ZNF423: variants seen among roughly 807,000 people sequenced by gnomAD.
The protein encoded by ZNF423 is zinc finger protein 423.
In ZNF423, 12 loss-of-function variants were observed where a neutral mutation model predicts 95.8. The observed-to-expected ratio is 0.13, with a 90% CI of 0.08 to 0.20. The LOEUF is 0.20. Ranked by LOEUF, ZNF423 falls within the 10% of genes least tolerant of loss-of-function variation. The pLI, the probability that ZNF423 is intolerant of heterozygous loss-of-function variation, is 1.00. For synonymous variants in ZNF423, 749 were observed against 711.9 expected (o/e 1.05, Z -0.83); for missense variants, 1,316 against 1,737.1 (o/e 0.76, Z 4.31).
intron 7 of ZNF423, among the ~76,000 whole-genome samples, chr16:49,505,258 C>G (rs949316369): frequency 1.1e-4 from 16 of 152,198 alleles, no homozygotes; most frequent in Non-Finnish European, 1.9e-4. Flanking sequence ...CTAGGTCACA[C>G]GGTCACTAAT....
chr16:49,690,956 A>G (rs1179165655), intron 3 of ZNF423, among the ~76,000 whole-genome samples: 1 of 152,116 alleles, frequency 6.6e-6, no homozygotes, highest in African/African-American at 2.4e-5. Context: ...AGGCCTGGGG[A>G]GCGTGTGGAG....
intron 5 of ZNF423, among the ~76,000 whole-genome samples, chr16:49,550,519 G>A (rs1167631388): frequency 6.6e-6 from 1 of 152,236 alleles, no homozygotes; most frequent in African/African-American, 2.4e-5. Context: ...CTTGGCCAAG[G>A]CCACACAAGT....
chr16:49,727,851 G>A (rs776253190), intron 3 of ZNF423, among the ~76,000 whole-genome samples: 20 of 152,210 alleles, frequency 1.3e-4, no homozygotes, highest in Non-Finnish European at 2.5e-4. Flanking sequence ...TCTCGGACAC[G>A]GTCTCTATTG....
rs114776108 is a variant in ZNF423, at chr16:49,668,918, G to A, written c.302-30044C>T. On this transcript the variant is annotated intron_variant, in intron 3 of 7. Coordinates refer to ENST00000563137, the MANE Select transcript of ZNF423 (RefSeq NM_001379286.1). ...TAAAATGAAGATGGTGACAGTGCAT[G>A]TCTCCTTCCTTACTTGAGGACTGAA... is the stretch of plus-strand genomic sequence containing the variant. Among the ~76,000 whole-genome samples, 1,370 of 152,292 alleles carry A rather than the reference G, an allele frequency of 9.0e-3. 22 individuals carry two copies. Among genetic ancestry groups the A allele is most frequent in the African/African-American group, 0.031 (1,298 of 41,546 alleles).
At position 49,527,930 on chromosome 16, in the gene ZNF423, G is replaced by GCA. The variant is rs141537609; in HGVS notation, c.3602-2438_3602-2437dup. 7.3e-5 allele frequency among the ~76,000 whole-genome samples: 11 copies of GCA among 151,508 alleles called. No individual in the cohort carries two copies. The East Asian group carries it at 9.7e-4, about 13-fold the overall frequency. The stretch of plus-strand genomic sequence containing the variant: ...TTCATGAGCACACACACGTGTGCAT[G>GCA]CACACACACACACACGACTACTCCC... On this transcript the variant is annotated intron_variant, in intron 5 of 7. Transcript: ENST00000563137.
chr16:49,842,406 AAGGAAGGCAGGCAGGC>A (rs1289306794), intron 1 of ZNF423, among the ~76,000 whole-genome samples: 13 of 88,402 alleles, frequency 1.5e-4, no homozygotes, highest in African/African-American at 3.6e-4. Flanking sequence ...GGAAGGAAGG[AAGGAAGGCAGGCAGGC>A]AGGCAGGCAG....
chr16:49,507,189 T>A (rs1002818653), intron 7 of ZNF423, among the ~76,000 whole-genome samples: 1 of 152,186 alleles, frequency 6.6e-6, no homozygotes, highest in Non-Finnish European at 1.5e-5. Flanking sequence ...AGATAACATA[T>A]GTAAAAGGTT....
At chr16:49,667,858 C>T (rs2030617711) in intron 3 of ZNF423, among the ~76,000 whole-genome samples, 1 of 152,188 alleles carries the variant, frequency 6.6e-6, no homozygotes, top group South Asian at 2.1e-4. Flanking sequence ...TGCACTCCAG[C>T]CTGGGCAACA....
In ZNF423 at chr16:49,696,428, A is replaced by G. The variant is rs374798648; in HGVS notation, c.301+34343T>C. On this transcript the variant is annotated intron_variant, in intron 3 of 7. Coordinates refer to ENST00000563137, the MANE Select transcript of ZNF423 (RefSeq NM_001379286.1). ...GAAAGTGAAACAAGGCTACCAGAGA[A>G]GGACCTCATACCAGGGGCTCCCCAT... Among the ~76,000 whole-genome samples, 9 of 152,354 alleles carry G rather than the reference A, an allele frequency of 5.9e-5. No homozygotes were observed. The East Asian group carries it at 1.7e-3, about 29-fold the overall frequency.
rs771371584 is a variant in ZNF423, at chr16:49,587,004, A to G, written c.3601+39166T>C. Among the ~76,000 whole-genome samples, 7 of 152,122 alleles carry G rather than the reference A, an allele frequency of 4.6e-5. No individual in the cohort carries two copies. In the South Asian group the frequency reaches 6.2e-4, roughly 14 times the overall value. ...AATGTCTCGTTGGTTTTGATGAGGG[A>G]CAAGTAGCCCCTGTGAAGACTTAAC... On this transcript the variant is annotated intron_variant, in intron 5 of 7. Coordinates refer to ENST00000563137, the MANE Select transcript of ZNF423 (RefSeq NM_001379286.1).
chr16:49,566,729 C>G (rs1291352611), intron 5 of ZNF423, among the ~76,000 whole-genome samples: 2 of 152,140 alleles, frequency 1.3e-5, no homozygotes, highest in Non-Finnish European at 2.9e-5. Flanking sequence ...TGTGCTGATG[C>G]GCAGCCAGTG....
chr16:49,499,615 A>C (rs890374987), intron 7 of ZNF423, among the ~76,000 whole-genome samples: 1 of 152,184 alleles, frequency 6.6e-6, no homozygotes, highest in Non-Finnish European at 1.5e-5. Flanking sequence ...GAGATGCTCT[A>C]TGGAGCCGAG....
At position 49,532,353 on chromosome 16, in the gene ZNF423, C is replaced by T. The variant is rs138486981; in HGVS notation, c.3602-6859G>A. 9.7e-3 allele frequency among the ~76,000 whole-genome samples: 1,479 copies of T among 152,266 alleles called. 10 individuals are homozygous for T. The highest frequency in any genetic ancestry group is 0.014 in the Non-Finnish European group (949 of 68,018). On this transcript the variant is annotated intron_variant, in intron 5 of 7. Coordinates refer to ENST00000563137, the MANE Select transcript of ZNF423 (RefSeq NM_001379286.1). ...CTCACTCAAGACCGCTCAGCCATGG[C>T]TTGAAGGCACAGCCCACCACGCTGC...
intron 1 of ZNF423, among the ~76,000 whole-genome samples, chr16:49,825,770 G>C (rs923516051): frequency 1.3e-5 from 2 of 152,210 alleles, no homozygotes; most frequent in African/African-American, 4.8e-5. Flanking sequence ...CAATGAGCGA[G>C]GGCGTGAATG....
intron 2 of ZNF423, among the ~76,000 whole-genome samples, chr16:49,741,629 G>A (rs540625592): frequency 6.6e-6 from 1 of 152,320 alleles, no homozygotes; most frequent in South Asian, 2.1e-4. Flanking sequence ...TGCCTTGGAG[G>A]GCTGGTCCAG....
intron 5 of ZNF423, among the ~76,000 whole-genome samples, chr16:49,577,341 G>A (rs79694165): frequency 1.3e-5 from 2 of 152,268 alleles, no homozygotes; most frequent in East Asian, 3.9e-4. Context: ...TAAGGAGAGG[G>A]TACCGTTATC....
intron 7 of ZNF423, among the ~76,000 whole-genome samples, chr16:49,507,336 G>A (rs1967687828): frequency 6.6e-6 from 1 of 151,828 alleles, no homozygotes. Context: ...GTCTCATTAT[G>A]TTGTCCAGCC....
At chr16:49,573,828 G>A (rs1297266844) in intron 5 of ZNF423, among the ~76,000 whole-genome samples, 1 of 152,206 alleles carries the variant, frequency 6.6e-6, no homozygotes, top group African/African-American at 2.4e-5. Context: ...TTGCTCTGAT[G>A]TGCTGAATGA....
intron 7 of ZNF423, among the ~76,000 whole-genome samples, chr16:49,521,047 G>A (rs1209010349): frequency 6.6e-6 from 1 of 152,184 alleles, no homozygotes; most frequent in Non-Finnish European, 1.5e-5. Context: ...CCGCTCTCAG[G>A]TCAAGTGTGG....
Sources: allele counts gnomAD v4.1 joint callset (sites outside exome capture counted in the v4.1 genomes callset), GRCh38; gene constraint gnomAD v4.1.1; transcripts MANE v1.5; gene names NCBI Gene and HGNC (gene_info 2026-07-23, HGNC 2026-07-21).